Variants in NTNG1 observed in about 807,000 individuals in gnomAD.
NTNG1 encodes the protein netrin-G1.
NTNG1 carries 16 observed loss-of-function variants against 54.0 expected under a neutral mutation model. The observed-to-expected ratio is 0.30, with a 90% CI of 0.20 to 0.45. NTNG1 has a LOEUF of 0.45. NTNG1 is among the 20% of genes least tolerant of loss of function. The probability of loss-of-function intolerance (pLI) is 1.00; values close to 1 mark genes in which losing one functional copy is unlikely to be tolerated. For missense variants in NTNG1, 530 were observed against 678.7 expected (o/e 0.78, Z 2.43); for synonymous variants, 255 against 263.1 (o/e 0.97, Z 0.30).
At chr1:107,249,956 A>G (rs574495256) in intron 2 of NTNG1, among the ~76,000 whole-genome samples, 2 of 152,320 alleles carry the variant, frequency 1.3e-5, no homozygotes, top group East Asian at 1.9e-4. Context: ...TTGTAAGTCA[A>G]TTCATTCCAG....
chr1:107,301,173 C>T (rs951345878), intron 2 of NTNG1, among the ~76,000 whole-genome samples: 1 of 152,010 alleles, frequency 6.6e-6, no homozygotes, highest in African/African-American at 2.4e-5. Context: ...AATAACAATC[C>T]TATGTAATGT....
In NTNG1 at chr1:107,143,011, C is replaced by T. The variant is rs534362993; in HGVS notation, c.-526+1871C>T. ...AAAATTTGGATCTCTGCATGTGGAT[C>T]AACATGCAAGGAAAAATGTGCATCA... On this transcript the variant is annotated intron_variant, in intron 1 of 7. Coordinates refer to ENST00000370068, the MANE Select transcript of NTNG1 (RefSeq NM_001113226.3). The T allele has an allele frequency of 2.6e-5, 4 of 152,218 alleles. No individual in the cohort carries two copies. The South Asian group carries it at 8.3e-4, about 32-fold the overall frequency. The allele number at this position is 152,218 out of a possible 1,614,324, so 9.4% of individuals were successfully genotyped here.
chr1:107,308,286 T>C (rs1410096890), intron 2 of NTNG1, among the ~76,000 whole-genome samples: 1 of 152,184 alleles, frequency 6.6e-6, no homozygotes, highest in Non-Finnish European at 1.5e-5. Flanking sequence ...TAGTTTTGGG[T>C]TTTACATTTA....
At chr1:107,225,662 T>C (rs1358988834) in intron 2 of NTNG1, among the ~76,000 whole-genome samples, 3 of 152,152 alleles carry the variant, frequency 2.0e-5, no homozygotes, top group African/African-American at 4.8e-5. Flanking sequence ...AATCAGTACA[T>C]GTTAGTTATA....
chr1:107,477,573 C>T (rs1678411045), intron 7 of NTNG1, among the ~76,000 whole-genome samples: 1 of 152,272 alleles, frequency 6.6e-6, no homozygotes, highest in Middle Eastern at 3.4e-3. Context: ...ATGCAGTTTC[C>T]CCATTTATAA....
chr1:107,374,097 C>G (rs920883914), intron 3 of NTNG1, among the ~76,000 whole-genome samples: 1 of 152,134 alleles, frequency 6.6e-6, no homozygotes, highest in Non-Finnish European at 1.5e-5. Flanking sequence ...TTTTACTCTA[C>G]TGTCTTCTCA....
intron 3 of NTNG1, among the ~76,000 whole-genome samples, chr1:107,329,891 A>G (rs187266570): frequency 6.6e-6 from 1 of 152,234 alleles, no homozygotes; most frequent in Non-Finnish European, 1.5e-5. Flanking sequence ...CACAGACTTT[A>G]TAAACAACAA....
At chr1:107,272,271 G>A (rs902882660) in intron 2 of NTNG1, among the ~76,000 whole-genome samples, 2 of 151,906 alleles carry the variant, frequency 1.3e-5, no homozygotes, top group Non-Finnish European at 2.9e-5. Context: ...TCTCTTTCTC[G>A]AATAATGTTT....
intron 2 of NTNG1, among the ~76,000 whole-genome samples, chr1:107,236,634 T>C (rs931544873): frequency 6.6e-6 from 1 of 152,214 alleles, no homozygotes; most frequent in Non-Finnish European, 1.5e-5. Flanking sequence ...TTCCCATGTG[T>C]TGTGGGAAGG....
chr1:107,174,392 T>C (rs1483442357), intron 2 of NTNG1, among the ~76,000 whole-genome samples: 2 of 152,118 alleles, frequency 1.3e-5, no homozygotes, highest in Non-Finnish European at 1.5e-5. Flanking sequence ...TGCTAAAATG[T>C]GTGTGTGTTT....
chr1:107,430,260 T>C (rs1318920692), intron 5 of NTNG1, among the ~76,000 whole-genome samples: 1 of 152,144 alleles, frequency 6.6e-6, no homozygotes, highest in Non-Finnish European at 1.5e-5. Flanking sequence ...AAACCCCGAC[T>C]GAGTTGCTGT....
intron 3 of NTNG1, among the ~76,000 whole-genome samples, chr1:107,345,498 G>A (rs1241638333): frequency 3.3e-5 from 5 of 152,050 alleles, no homozygotes; most frequent in Non-Finnish European, 4.4e-5. Context: ...AAGGGAGAGC[G>A]GATTACTTTG....
At chr1:107,446,166 G>A (rs1676293618) in intron 7 of NTNG1, among the ~76,000 whole-genome samples, 1 of 152,020 alleles carries the variant, frequency 6.6e-6, no homozygotes, top group Non-Finnish European at 1.5e-5. Context: ...TGAACTAACT[G>A]GTTCTTATTT....
At chr1:107,191,803 C>G (rs967880213) in intron 2 of NTNG1, among the ~76,000 whole-genome samples, 5 of 151,802 alleles carry the variant, frequency 3.3e-5, no homozygotes, top group African/African-American at 1.2e-4. Flanking sequence ...GTTTTGGTAC[C>G]AGTACCATGC....
At chr1:107,327,505 T>C (rs575712460) in intron 3 of NTNG1, among the ~76,000 whole-genome samples, 5 of 152,292 alleles carry the variant, frequency 3.3e-5, no homozygotes, top group Non-Finnish European at 5.9e-5. Flanking sequence ...GGATTAAATA[T>C]TAATTGATAA....
At chr1:107,421,198 T>C in intron 5 of NTNG1, 1 of 1,209,924 alleles carries the variant, frequency 8.3e-7, no homozygotes, top group Non-Finnish European at 1.2e-6. Context: ...TTGTGAAACA[T>C]TGCACTGTAT....
chr1:107,290,966 T>C (rs1288368561), intron 2 of NTNG1, among the ~76,000 whole-genome samples: 1 of 104,460 alleles, frequency 9.6e-6, no homozygotes, highest in South Asian at 2.5e-4. Context: ...ATATATATTA[T>C]ATATATATAT....
intron 7 of NTNG1, among the ~76,000 whole-genome samples, chr1:107,446,893 A>G (rs1403367708): frequency 6.6e-6 from 1 of 152,106 alleles, no homozygotes; most frequent in Non-Finnish European, 1.5e-5. Flanking sequence ...ATGCTCATGG[A>G]AATTTAGACT....
Position 107,436,740 on chromosome 1 carries a change from C to T in NTNG1, c.1331C>T (p.Thr444Ile). 1 of 1,613,350 alleles carries T rather than the reference C, an allele frequency of 6.2e-7. No homozygotes were observed. The highest frequency in any genetic ancestry group is 8.5e-7 in the Non-Finnish European group (1 of 1,179,462). The change falls in exon 7 of 8, where the codon ACA becomes ATA. Residue 444 changes from threonine to isoleucine, a missense_variant. By Grantham distance (89) the Thr-to-Ile change is moderately conservative. Coordinates refer to ENST00000370068, the MANE Select transcript of NTNG1 (RefSeq NM_001113226.3). Reference protein sequence around the residue: ...GSGFCECKTGTTGPKCDECLP... With the variant: ...GSGFCECKTGITGPKCDECLP... The stretch of plus-strand genomic sequence containing the variant: ...GGATTTTGTGAGTGTAAGACTGGAA[C>T]AACAGGGCCTAAGTGTGATGAGTGT...
Sources: gnomAD v4.1 joint callset for allele counts (sites outside exome capture counted in the v4.1 genomes callset) on GRCh38, gnomAD v4.1.1 for gene constraint, MANE v1.5 for transcripts, NCBI Gene and HGNC (gene_info 2026-07-23, HGNC 2026-07-21) for gene names.